The following RIMS1 variants were observed in gnomAD, a reference collection of about 807,000 sequenced individuals.
RIMS1 encodes regulating synaptic membrane exocytosis 1.
Under a neutral mutation model 214.1 loss-of-function variants are expected in RIMS1, and 83 were observed. The ratio of observed to expected loss-of-function variants is 0.39; its 90% confidence interval spans 0.32 to 0.47. The LOEUF is 0.47. RIMS1 is among the 20% of genes least tolerant of loss of function. The pLI, the probability that RIMS1 is intolerant of heterozygous loss-of-function variation, is 0.99. For synonymous variants in RIMS1, 793 were observed against 786.8 expected, an observed-to-expected ratio of 1.01 and a Z score of -0.13; for missense variants, 2,050 against 2,161.8, an observed-to-expected ratio of 0.95 and a Z score of 1.03.
chr6:71,958,963 CA>C (rs1287625075), intron 1 of RIMS1, among the ~76,000 whole-genome samples: 1 of 152,038 alleles, frequency 6.6e-6, no homozygotes, highest in Admixed American at 6.6e-5. Flanking sequence ...ATTCTACATG[CA>C]AAAGATAGAC....
chr6:72,356,717 G>A (rs1019784195), intron 29 of RIMS1, among the ~76,000 whole-genome samples: 4 of 152,004 alleles, frequency 2.6e-5, no homozygotes, highest in Admixed American at 6.6e-5. Context: ...CCAAGATTAC[G>A]CCACTATACT....
intron 4 of RIMS1, among the ~76,000 whole-genome samples, chr6:72,178,207 T>A (rs979391327): frequency 6.6e-6 from 1 of 152,202 alleles, no homozygotes; most frequent in Non-Finnish European, 1.5e-5. Flanking sequence ...TCCTATATTA[T>A]AATTCATTTG....
intron 2 of RIMS1, among the ~76,000 whole-genome samples, chr6:72,090,575 A>C (rs1293882472): frequency 2.6e-5 from 4 of 152,152 alleles, no homozygotes; most frequent in Admixed American, 2.6e-4. Context: ...ATAGAGTGGA[A>C]TCAAAAAGGC....
At chr6:72,146,712 C>T (rs2042805665) in intron 4 of RIMS1, among the ~76,000 whole-genome samples, 1 of 152,174 alleles carries the variant, frequency 6.6e-6, no homozygotes, top group Non-Finnish European at 1.5e-5. Flanking sequence ...TAATTTAAAA[C>T]AATCCTTTAA....
At chr6:72,339,690 G>C (rs1456721281) in intron 29 of RIMS1, among the ~76,000 whole-genome samples, 1 of 152,030 alleles carries the variant, frequency 6.6e-6, no homozygotes, top group Non-Finnish European at 1.5e-5. Context: ...ATCATTGTTG[G>C]ACATTTGGGT....
chr6:72,344,255 A>G (rs147641582), intron 29 of RIMS1, among the ~76,000 whole-genome samples: 4 of 151,844 alleles, frequency 2.6e-5, no homozygotes, highest in African/African-American at 9.6e-5. Context: ...TCTAACCAAT[A>G]CAGTTTACCA....
chr6:71,904,824 A>G (rs932397065), intron 1 of RIMS1, among the ~76,000 whole-genome samples: 1 of 152,170 alleles, frequency 6.6e-6, no homozygotes, highest in African/African-American at 2.4e-5. Flanking sequence ...ATCTTAAATT[A>G]CAAGTCTATC....
At chr6:72,318,649 C>T (rs578058412) in intron 28 of RIMS1, among the ~76,000 whole-genome samples, 2 of 152,196 alleles carry the variant, frequency 1.3e-5, no homozygotes, top group African/African-American at 4.8e-5. Flanking sequence ...GGATCATTCT[C>T]CTCTCTGAGA....
At chr6:72,187,948 G>T (rs1229728450) in intron 6 of RIMS1, among the ~76,000 whole-genome samples, 1 of 152,200 alleles carries the variant, frequency 6.6e-6, no homozygotes, top group Admixed American at 6.5e-5. Context: ...AAGCTGAAGA[G>T]CAAGGAAGCC....
chr6:72,334,027 T>A (rs777162109), intron 29 of RIMS1, among the ~76,000 whole-genome samples, 192 bp downstream of exon 29: 3 of 151,922 alleles, frequency 2.0e-5, no homozygotes, highest in Non-Finnish European at 4.4e-5. Context: ...TCACAAGGTA[T>A]CACTTTTAAA....
At chr6:72,074,230 T>C (rs1302884927) in intron 2 of RIMS1, among the ~76,000 whole-genome samples, 19 of 152,190 alleles carry the variant, frequency 1.2e-4, no homozygotes, top group Non-Finnish European at 2.5e-4. Flanking sequence ...TGAAATAAGA[T>C]ACCCACAAAG....
chr6:72,261,963 A>G, intron 19 of RIMS1: 2 of 984,536 alleles, frequency 2.0e-6, no homozygotes, highest in Non-Finnish European at 2.4e-6. Context: ...TTCTTGACAA[A>G]CAGTTTCTTA....
chr6:72,162,807 G>T (rs185457641), intron 4 of RIMS1, among the ~76,000 whole-genome samples: 9 of 139,924 alleles, frequency 6.4e-5, no homozygotes, highest in Admixed American at 5.1e-4. Context: ...CTTTCTCTCT[G>T]GCTGCCCTTA....
chr6:72,203,197 C>T (rs2052341735), intron 6 of RIMS1, among the ~76,000 whole-genome samples: 1 of 152,072 alleles, frequency 6.6e-6, no homozygotes, highest in African/African-American at 2.4e-5. Context: ...CCGTGTTAGC[C>T]AGGATGGTCT....
chr6:72,064,347 GA>G (rs1828725196), intron 2 of RIMS1, among the ~76,000 whole-genome samples: 2 of 151,716 alleles, frequency 1.3e-5, no homozygotes, highest in Non-Finnish European at 2.9e-5. Flanking sequence ...GAGAGAGAGA[GA>G]GAGGGAAGGA....
intron 4 of RIMS1, among the ~76,000 whole-genome samples, chr6:72,160,949 G>A (rs1200627903): frequency 5.0e-5 from 7 of 139,644 alleles, no homozygotes; most frequent in African/African-American, 1.7e-4. Context: ...AATAGTTTCA[G>A]AAGGAATGGT....
intron 6 of RIMS1, among the ~76,000 whole-genome samples, chr6:72,194,077 G>A (rs894921447): frequency 1.3e-5 from 2 of 152,068 alleles, no homozygotes; most frequent in African/African-American, 2.4e-5. Context: ...ACAAAACACC[G>A]ATGAAATAAA....
At chr6:72,026,112 A>G (rs1816367664) in intron 2 of RIMS1, among the ~76,000 whole-genome samples, 1 of 152,178 alleles carries the variant, frequency 6.6e-6, no homozygotes, top group Admixed American at 6.5e-5. Context: ...GTCAATGCAG[A>G]GAAGGCCTAC....
rs557499255 is a variant in RIMS1 at position 72,162,512 on chromosome 6, G to A, written c.472-17063G>A. 1.8e-4 allele frequency among the ~76,000 whole-genome samples: 26 copies of A among 140,646 alleles called. 2 individuals are homozygous for A. The highest frequency in any genetic ancestry group is 4.4e-4 in the African/African-American group (18 of 40,684). The allele number at this position is 140,646 out of a possible 152,430, so 92.3% of individuals were successfully genotyped here. On this transcript the variant is annotated intron_variant, in intron 4 of 33. Coordinates refer to ENST00000521978, the MANE Select transcript of RIMS1 (RefSeq NM_014989.7). ...GGTCTTTACAATTTGGTATGTTTTC[G>A]CAGTGGCTGGTACTGGTTGTTCCTT...
Sources: allele counts gnomAD v4.1 joint callset (sites outside exome capture counted in the v4.1 genomes callset), GRCh38; gene constraint gnomAD v4.1.1; transcripts MANE v1.5; gene names NCBI Gene and HGNC (gene_info 2026-07-23, HGNC 2026-07-21).